The following ATE1 variants were observed in gnomAD, a reference collection of about 807,000 sequenced individuals.
ATE1 encodes arginyl-tRNA--protein transferase 1.
ATE1 carries 36 observed loss-of-function variants against 70.5 expected under a neutral mutation model. The ratio of observed to expected loss-of-function variants is 0.51; its 90% CI spans 0.39 to 0.67. The LOEUF (loss-of-function observed/expected upper bound fraction) is 0.67. Ranked by LOEUF, ATE1 falls within the 30% of genes least tolerant of loss-of-function variation. ATE1 has a pLI of 0.00. For synonymous variants in ATE1, 232 were observed against 219.3 expected (o/e 1.06, Z -0.51); for missense variants, 593 against 629.5 (o/e 0.94, Z 0.62).
chr10:121,776,077 T>C (rs1945726797), intron 11 of ATE1, among the ~76,000 whole-genome samples: 1 of 152,212 alleles, frequency 6.6e-6, no homozygotes, highest in African/African-American at 2.4e-5. Flanking sequence ...AAGGGGGATA[T>C]GTCATATTTT....
At chr10:121,858,264 G>A (rs2133929006) in intron 8 of ATE1, among the ~76,000 whole-genome samples, 1 of 152,144 alleles carries the variant, frequency 6.6e-6, no homozygotes, top group East Asian at 1.9e-4. Flanking sequence ...TTTTTCCACT[G>A]CAGCTGTACC....
At chr10:121,864,612 G>T (rs181818564) in intron 8 of ATE1, among the ~76,000 whole-genome samples, 8 of 152,286 alleles carry the variant, frequency 5.3e-5, no homozygotes, top group South Asian at 4.1e-4. Context: ...TAATCAGTAG[G>T]GTTGAATTTA....
chr10:121,863,563 A>G (rs1949553836), intron 8 of ATE1, among the ~76,000 whole-genome samples: 1 of 151,974 alleles, frequency 6.6e-6, no homozygotes, highest in Non-Finnish European at 1.5e-5. Context: ...CCTGAAGTCT[A>G]CTTTGATAAG....
At chr10:121,919,913 C>CA (rs756257369) in intron 3 of ATE1, among the ~76,000 whole-genome samples, 24 of 150,656 alleles carry the variant, frequency 1.6e-4, no homozygotes, top group Non-Finnish European at 1.9e-4. Flanking sequence ...GGAGGATATG[C>CA]AAAATGTTAC....
intron 8 of ATE1, among the ~76,000 whole-genome samples, chr10:121,844,929 G>T (rs1382429226): frequency 6.6e-6 from 1 of 151,584 alleles, no homozygotes; most frequent in Non-Finnish European, 1.5e-5. Flanking sequence ...AAGAAGGTTT[G>T]TGGCAACCCC....
At chr10:121,792,474 T>TCACTGCACTGTTGCTGGC (rs1564842108) in intron 10 of ATE1, among the ~76,000 whole-genome samples, 1 of 152,220 alleles carries the variant, frequency 6.6e-6, no homozygotes. Flanking sequence ...CTGTTGCTGG[T>TCACTGCACTGTTGCTGGC]TCACTGCACT....
At chr10:121,917,536 G>C (rs1237917847) in intron 3 of ATE1, among the ~76,000 whole-genome samples, 1 of 151,946 alleles carries the variant, frequency 6.6e-6, no homozygotes, top group African/African-American at 2.4e-5. Flanking sequence ...CTAGGGATGG[G>C]GACAAAAACG....
At chr10:121,766,749 A>G (rs1349495959) in intron 11 of ATE1, among the ~76,000 whole-genome samples, 1 of 152,230 alleles carries the variant, frequency 6.6e-6, no homozygotes, top group Non-Finnish European at 1.5e-5. Flanking sequence ...CCAATATGAA[A>G]TGGACAAGTG....
chr10:121,755,935 T>C (rs1944781528), intron 11 of ATE1, among the ~76,000 whole-genome samples: 1 of 152,162 alleles, frequency 6.6e-6, no homozygotes, highest in South Asian at 2.1e-4. Context: ...AAACCAATTA[T>C]GCCTTCCCAA....
chr10:121,798,419 C>T (rs1020403873), intron 10 of ATE1, among the ~76,000 whole-genome samples: 2 of 152,132 alleles, frequency 1.3e-5, no homozygotes, highest in Non-Finnish European at 2.9e-5. Flanking sequence ...TATTAATTTT[C>T]ACTTTAAAAA....
intron 9 of ATE1, among the ~76,000 whole-genome samples, chr10:121,838,720 C>A (rs934603203): frequency 6.6e-5 from 10 of 152,246 alleles, no homozygotes; most frequent in African/African-American, 1.9e-4. Flanking sequence ...TTATTCATGT[C>A]TATGAGTGTA....
intron 11 of ATE1, among the ~76,000 whole-genome samples, chr10:121,775,281 T>C (rs545601335): frequency 1.3e-5 from 2 of 151,960 alleles, no homozygotes; most frequent in African/African-American, 2.4e-5. Context: ...TTACTACTGA[T>C]AGTAAACCCT....
chr10:121,840,431 G>A (rs187329455), intron 9 of ATE1, among the ~76,000 whole-genome samples: 4 of 152,178 alleles, frequency 2.6e-5, no homozygotes, highest in East Asian at 1.9e-4. Context: ...CCAGGAGTTC[G>A]AGACCAACCT....
chr10:121,816,693 G>A (rs961942884), intron 10 of ATE1, among the ~76,000 whole-genome samples: 3 of 152,202 alleles, frequency 2.0e-5, no homozygotes, highest in Non-Finnish European at 4.4e-5. Context: ...TCTTCAGACT[G>A]TGAGAAATAA....
rs1047382707 is a variant in ATE1, at chr10:121,902,628, GAATTTT to G, written c.584-14_584-9del. 1.3e-6 allele frequency: 2 copies of G among 1,583,622 alleles called. No individual in the cohort carries two copies. Among genetic ancestry groups the G allele is most frequent in the Non-Finnish European group, 1.7e-6 (2 of 1,164,804 alleles). On this transcript the variant is annotated splice_polypyrimidine_tract_variant and intron_variant, in intron 5 of 11. Transcript: ENST00000224652. ...TCAAATCAGCCCCTTTGCCTAAAAAGAATTTTAAAATATTAGACCAATCACATTTGG... is the reference window on the plus strand; with the variant it reads ...TCAAATCAGCCCCTTTGCCTAAAAAGAAAATATTAGACCAATCACATTTGG...
At chr10:121,844,330 C>A (rs1386871521) in intron 8 of ATE1, among the ~76,000 whole-genome samples, 1 of 152,134 alleles carries the variant, frequency 6.6e-6, no homozygotes, top group Non-Finnish European at 1.5e-5. Context: ...AAATGGCAAA[C>A]AAACATATGA....
intron 8 of ATE1, among the ~76,000 whole-genome samples, chr10:121,853,568 C>T (rs930311475): frequency 4.4e-4 from 67 of 151,852 alleles, no homozygotes; most frequent in African/African-American, 1.6e-3. Flanking sequence ...GAAAAAAATC[C>T]AAAATCCGAA....
At chr10:121,804,398 T>C (rs897704657) in intron 10 of ATE1, among the ~76,000 whole-genome samples, 1 of 152,114 alleles carries the variant, frequency 6.6e-6, no homozygotes, top group African/African-American at 2.4e-5. Context: ...CACCAAACAA[T>C]AACAATTTAG....
chr10:121,777,993 T>C (rs1945817066), intron 11 of ATE1, among the ~76,000 whole-genome samples: 1 of 152,374 alleles, frequency 6.6e-6, no homozygotes, highest in African/African-American at 2.4e-5. Context: ...AAATAAGATC[T>C]GTAATTTGCA....
Sources: allele counts gnomAD v4.1 joint callset (sites outside exome capture counted in the v4.1 genomes callset), GRCh38; gene constraint gnomAD v4.1.1; transcripts MANE v1.5; gene names NCBI Gene and HGNC (gene_info 2026-07-23, HGNC 2026-07-21).